USP48: variants seen among roughly 807,000 people sequenced by gnomAD.
USP48 encodes ubiquitin carboxyl-terminal hydrolase 48.
A neutral mutation model predicts 150.7 loss-of-function variants in USP48; 43 were observed. That is an observed-to-expected ratio of 0.29 (90% CI 0.22 to 0.37). USP48 has a LOEUF of 0.37. USP48 is among the 10% of genes least tolerant of loss of function. The probability of loss-of-function intolerance (pLI) is 1.00; values close to 1 mark genes in which losing one functional copy is unlikely to be tolerated. For synonymous variants in USP48, 396 were observed against 425.9 expected (o/e 0.93, Z 0.86); for missense variants, 813 against 1,249.6 (o/e 0.65, Z 5.27).
At chr1:21,692,857 G>A (rs143040920) in intron 23 of USP48, among the ~76,000 whole-genome samples, 3 of 152,258 alleles carry the variant, frequency 2.0e-5, no homozygotes, top group Admixed American at 6.5e-5. Context: ...AGAGAAGATG[G>A]AACAGGCCAA....
intron 1 of USP48, among the ~76,000 whole-genome samples, chr1:21,758,189 C>CAA (rs2152608344): frequency 1.4e-5 from 2 of 141,566 alleles, no homozygotes; most frequent in South Asian, 4.3e-4. Context: ...CTGTAAAACA[C>CAA]ACACACACAC....
chr1:21,711,092 TTA>T (rs565940124), intron 15 of USP48, among the ~76,000 whole-genome samples: 1 of 151,386 alleles, frequency 6.6e-6, no homozygotes, highest in Admixed American at 6.6e-5. Context: ...AAGGAATTAT[TTA>T]TATATATATA....
In USP48 at chr1:21,729,647, C is replaced by T; in HGVS notation, c.1300+57G>A. On this transcript the variant is annotated intron_variant, in intron 10 of 26. Transcript: ENST00000308271. The stretch of plus-strand genomic sequence containing the variant: ...AAGCAATCCATTACTTATCATTAAT[C>T]TTTGAGTATGGCATTCTAAAACATT... 2.5e-6 allele frequency: 4 copies of T among 1,577,564 alleles called. No individual in the cohort carries two copies. In the East Asian group the frequency reaches 9.0e-5, roughly 35 times the overall value.
chr1:21,680,966 T>C (rs1250571176), intron 25 of USP48, 132 bp from the exon 26 acceptor site: 6 of 667,716 alleles, frequency 9.0e-6, no homozygotes, highest in Non-Finnish European at 1.0e-5. Context: ...ATAATCATCT[T>C]TGAAGTTACG....
At chr1:21,769,342 C>T (rs1419360564) in intron 1 of USP48, among the ~76,000 whole-genome samples, 1 of 148,732 alleles carries the variant, frequency 6.7e-6, no homozygotes, top group Non-Finnish European at 1.5e-5. Flanking sequence ...ACAAAGAGAA[C>T]TTACGAACAC....
chr1:21,695,929 T>A lies in USP48; in HGVS notation c.2728-708A>T, dbSNP rs907044801. Among the ~76,000 whole-genome samples the A allele has an allele frequency of 2.6e-5, 4 of 152,112 alleles. No homozygotes were observed. In the South Asian group the frequency reaches 6.2e-4, roughly 24 times the overall value. ...ACTAAAAACAAGACTTTACCACTTG[T>A]CCTAATGGCAAAATATACAGACTCA... On this transcript the variant is annotated intron_variant, in intron 22 of 26. Coordinates refer to ENST00000308271, the MANE Select transcript of USP48 (RefSeq NM_032236.8).
chr1:21,703,299 A>G (rs1011794713), intron 21 of USP48, among the ~76,000 whole-genome samples: 2 of 152,228 alleles, frequency 1.3e-5, no homozygotes, highest in Non-Finnish European at 2.9e-5. Context: ...ACATTCAGTA[A>G]ATATCTATGC....
chr1:21,782,750 C>T (rs1420680039), intron 1 of USP48, 74 bp downstream of exon 1: 1 of 1,451,098 alleles, frequency 6.9e-7, no homozygotes, highest in Non-Finnish European at 9.1e-7. Flanking sequence ...CTGCCGTCTT[C>T]CTTTCCCCTA....
chr1:21,747,658 C>T (rs60326291), intron 7 of USP48, among the ~76,000 whole-genome samples: 8,104 of 152,132 alleles, frequency 0.053, 387 homozygotes, highest in East Asian at 0.18. Context: ...CTGCAACCTC[C>T]GCCTCCTGGG....
chr1:21,759,369 C>G (rs756502808), intron 1 of USP48, among the ~76,000 whole-genome samples: 1 of 152,016 alleles, frequency 6.6e-6, no homozygotes, highest in Admixed American at 6.6e-5. Context: ...TTTACTAGTA[C>G]CCTCTGGCTA....
chr1:21,751,378 C>T (rs1262283568), intron 6 of USP48, 129 bp downstream of exon 6: 2 of 708,988 alleles, frequency 2.8e-6, no homozygotes, highest in South Asian at 1.8e-5. Context: ...TGGATCATTA[C>T]AGATGCTTCT....
chr1:21,748,835 C>T (rs182671112), intron 6 of USP48, among the ~76,000 whole-genome samples: 124 of 152,206 alleles, frequency 8.1e-4, no homozygotes, highest in African/African-American at 2.4e-3. Flanking sequence ...CACTTGAACC[C>T]GGGAGGTGGA....
chr1:21,719,568 T>C (rs553412598), intron 14 of USP48, among the ~76,000 whole-genome samples: 275 of 152,176 alleles, frequency 1.8e-3, no homozygotes, highest in East Asian at 6.6e-3. Flanking sequence ...CTGGGCAACA[T>C]AGTGAGGCCT....
intron 8 of USP48, 47 bp downstream of exon 8, chr1:21,747,020 T>A (rs1308063360): frequency 1.4e-5 from 20 of 1,424,450 alleles, no homozygotes; most frequent in African/African-American, 4.3e-5. Flanking sequence ...GATCACAAGT[T>A]AGAGTCTCTG....
chr1:21,769,108 T>C (rs1372738757), intron 1 of USP48, among the ~76,000 whole-genome samples: 1 of 152,200 alleles, frequency 6.6e-6, no homozygotes, highest in East Asian at 1.9e-4. Context: ...TAGCAGTCAT[T>C]CAATCCTCTG....
intron 22 of USP48, among the ~76,000 whole-genome samples, chr1:21,698,051 T>C (rs2097642499): frequency 6.6e-6 from 1 of 152,128 alleles, no homozygotes; most frequent in Admixed American, 6.6e-5. Flanking sequence ...GAAAAGGGAT[T>C]TGTTTATCTC....
intron 9 of USP48, chr1:21,732,939 T>C (rs1210371564): frequency 6.4e-6 from 1 of 155,428 alleles, no homozygotes; most frequent in African/African-American, 2.4e-5. Flanking sequence ...GATTTTAAAA[T>C]GTGCAAAGAA....
intron 8 of USP48, among the ~76,000 whole-genome samples, chr1:21,745,847 G>C (rs1391048253): frequency 2.0e-5 from 3 of 152,188 alleles, no homozygotes; most frequent in Non-Finnish European, 4.4e-5. Flanking sequence ...AAGGAGGCAG[G>C]AAGCAAACTA....
chr1:21,707,085 G>A (rs957760920), intron 15 of USP48, among the ~76,000 whole-genome samples: 3 of 151,670 alleles, frequency 2.0e-5, no homozygotes, highest in Non-Finnish European at 4.4e-5. Flanking sequence ...TCAATTTTAC[G>A]TCCTTAATCT....
Sources: allele counts gnomAD v4.1 joint callset (sites outside exome capture counted in the v4.1 genomes callset), GRCh38; gene constraint gnomAD v4.1.1; transcripts MANE v1.5; gene names NCBI Gene and HGNC (gene_info 2026-07-23, HGNC 2026-07-21).